The following ETFA variants were observed in gnomAD, a reference collection of about 807,000 sequenced individuals.
ETFA encodes the protein electron transfer flavoprotein subunit alpha.
Under a neutral mutation model 46.2 loss-of-function variants are expected in ETFA, and 22 were observed. That is an observed-to-expected ratio of 0.48 (90% CI 0.34 to 0.68). The LOEUF is 0.68. Ranked by LOEUF, ETFA falls within the 30% of genes least tolerant of loss-of-function variation. The pLI is 0.01. For missense variants in ETFA, 345 were observed against 401.1 expected, an observed-to-expected ratio of 0.86 and a Z score of 1.19; for synonymous variants, 131 against 139.9, an observed-to-expected ratio of 0.94 and a Z score of 0.45.
chr15:76,260,508 A>G, intron 9 of ETFA: 3 of 1,516,404 alleles, frequency 2.0e-6, no homozygotes, highest in Non-Finnish European at 2.7e-6. Flanking sequence ...TCCACAGCCA[A>G]CTGCACTGGA....
At chr15:76,227,709 C>A (rs1294723050) in intron 10 of ETFA, 4 of 407,600 alleles carry the variant, frequency 9.8e-6, no homozygotes, top group African/African-American at 4.2e-5. Flanking sequence ...AAGTTTCTAC[C>A]TACCTGGCAT....
chr15:76,289,251 C>T (rs12908334), intron 4 of ETFA, among the ~76,000 whole-genome samples: 63,229 of 151,930 alleles, frequency 0.42, 15,377 homozygotes, highest in Middle Eastern at 0.56. Flanking sequence ...CCTACTTAAT[C>T]TGGTTTAAAA....
intron 2 of ETFA, among the ~76,000 whole-genome samples, chr15:76,293,173 T>C (rs1265518733): frequency 6.6e-6 from 1 of 152,112 alleles, no homozygotes; most frequent in African/African-American, 2.4e-5. Context: ...AATACATTCC[T>C]TAACAAAGAA....
intron 1 of ETFA, among the ~76,000 whole-genome samples, chr15:76,305,523 T>C (rs2039931398): frequency 6.6e-6 from 1 of 152,248 alleles, no homozygotes; most frequent in Non-Finnish European, 1.5e-5. Flanking sequence ...ATACTCTGTT[T>C]AGACTTGGTT....
At chr15:76,309,144 A>C (rs1158829844) in intron 1 of ETFA, among the ~76,000 whole-genome samples, 1 of 152,164 alleles carries the variant, frequency 6.6e-6, no homozygotes, top group African/African-American at 2.4e-5. Flanking sequence ...CAACATTCTT[A>C]ATGACTTTAA....
rs2141543697 is a variant in ETFA at position 76,295,594 on chromosome 15, G to A, written c.183C>T (p.Asp61=). 1.9e-6 allele frequency: 3 copies of A among 1,613,272 alleles called. No homozygotes were observed. Among genetic ancestry groups the A allele is most frequent in the Non-Finnish European group, 1.7e-6 (2 of 1,179,398 alleles). ...GCTGACCTTAAAAATTTCTCACCTT[G>A]TCACATTTGGTTCCAGCTACTAAGC... ...VSCLVAGTKC[D]KVAQDLCKVA... is the part of the protein sequence containing the mutation. Residue 61 remains aspartate (D), a synonymous_variant, in exon 2 of 12, where the codon GAC becomes GAT. Transcript: ENST00000557943.
At chr15:76,217,487 T>C (rs2038908424) in intron 11 of ETFA, 1 of 345,350 alleles carries the variant, frequency 2.9e-6, no homozygotes. Flanking sequence ...CAAGACCTTG[T>C]GTGCTAATGC....
intron 9 of ETFA, among the ~76,000 whole-genome samples, chr15:76,264,681 G>T (rs988439344): frequency 2.6e-5 from 4 of 152,202 alleles, no homozygotes; most frequent in South Asian, 2.1e-4. Context: ...GAGAGGGAAG[G>T]CTCATTTAGC....
rs34804508 is a variant in ETFA at position 76,252,876 on chromosome 15, T to TACACAC, written c.817-21484_817-21479dup. Among the ~76,000 whole-genome samples, 157 of 147,548 alleles carry TACACAC rather than the reference T, an allele frequency of 1.1e-3. 3 individuals carry two copies. The highest frequency in any genetic ancestry group is 3.4e-3 in the African/African-American group (136 of 39,984). On this transcript the variant is annotated intron_variant, in intron 9 of 11. Coordinates refer to ENST00000557943, the MANE Select transcript of ETFA (RefSeq NM_000126.4). ...CTAGTTCAGAAAAAATGTATGTGTA[T>TACACAC]ACACACACACACACAGAGTACTTTT...
intron 9 of ETFA, among the ~76,000 whole-genome samples, chr15:76,248,691 A>G (rs2039266486): frequency 6.6e-6 from 1 of 152,190 alleles, no homozygotes; most frequent in African/African-American, 2.4e-5. Context: ...CCTGGCCAAC[A>G]TGGTGAAACC....
Position 76,216,094 on chromosome 15 carries a change from C to G in ETFA, c.*465G>C, listed in dbSNP as rs948688282. 6.2e-6 allele frequency: 1 copy of G among 161,118 alleles called. No homozygotes were observed. Among genetic ancestry groups the G allele is most frequent in the African/African-American group, 2.4e-5 (1 of 41,482 alleles). 10.0% of individuals were successfully genotyped at this position (161,118 alleles called of 1,614,324 possible). A position where few individuals can be genotyped will look rare whatever the true frequency, so the allele number is the denominator to read the frequency against. On this transcript the variant is annotated 3_prime_UTR_variant, in exon 12 of 12. Coordinates refer to ENST00000557943, the MANE Select transcript of ETFA (RefSeq NM_000126.4). Reference sequence around the variant, plus strand: ...CGTGCTTTTTTAACTCTGCACTTGCCAATTCAGTTACCTTCTCCTATGAAG... The same window carrying G: ...CGTGCTTTTTTAACTCTGCACTTGCGAATTCAGTTACCTTCTCCTATGAAG...
At chr15:76,259,464 A>C (rs1483435099) in intron 9 of ETFA, 53 of 918,658 alleles carry the variant, frequency 5.8e-5, no homozygotes, top group East Asian at 3.6e-4. Context: ...AAGCTGTTTC[A>C]GGTGATTCCC....
chr15:76,231,459 GT>G (rs1412195510), intron 9 of ETFA, 61 bp from the exon 10 acceptor site: 1 of 1,094,032 alleles, frequency 9.1e-7, no homozygotes. Flanking sequence ...TTTCCAAAGT[GT>G]TTGCTGTTAG....
At chr15:76,238,996 C>A (rs2039155750) in intron 9 of ETFA, among the ~76,000 whole-genome samples, 1 of 152,186 alleles carries the variant, frequency 6.6e-6, no homozygotes, top group African/African-American at 2.4e-5. Context: ...TGAGACAACA[C>A]CCCTTTACTA....
chr15:76,295,936 C>CTTTTTTTTTTTTTTTTTTTTGTT (rs2039817109), intron 1 of ETFA, among the ~76,000 whole-genome samples, 199 bp from the exon 2 acceptor site: 1 of 46,602 alleles, frequency 2.1e-5, no homozygotes, highest in South Asian at 9.4e-4. Context: ...CACTAATATT[C>CTTTTTTTTTTTTTTTTTTTTGTT]TTTTTTTTTT....
chr15:76,233,947 C>T (rs185764950), intron 9 of ETFA, among the ~76,000 whole-genome samples: 5 of 152,190 alleles, frequency 3.3e-5, no homozygotes, highest in Admixed American at 2.6e-4. Flanking sequence ...TTCACTCTGG[C>T]AGTAAACATA....
chr15:76,253,679 A>T (rs1192068252), intron 9 of ETFA, among the ~76,000 whole-genome samples: 1 of 152,186 alleles, frequency 6.6e-6, no homozygotes, highest in Non-Finnish European at 1.5e-5. Flanking sequence ...GACAAAGGAG[A>T]CGTGGTTTAA....
chr15:76,246,926 T>C (rs925052289), intron 9 of ETFA, among the ~76,000 whole-genome samples: 19 of 152,070 alleles, frequency 1.2e-4, no homozygotes, highest in African/African-American at 3.9e-4. Context: ...ATGTACAACA[T>C]CCAAGAAAAT....
chr15:76,226,739 C>T lies in ETFA; in HGVS notation c.883-810G>A, dbSNP rs530937757. On this transcript the variant is annotated intron_variant, in intron 10 of 11. Coordinates refer to ENST00000557943, the MANE Select transcript of ETFA (RefSeq NM_000126.4). ...TAAAAAACACAAAAAATTAGCCGGGCGTGGTGGCGGGCATCTGTAGTCCAA... is the reference window on the plus strand; with the variant it reads ...TAAAAAACACAAAAAATTAGCCGGGTGTGGTGGCGGGCATCTGTAGTCCAA... Among the ~76,000 whole-genome samples, 419 of 152,092 alleles carry T rather than the reference C, an allele frequency of 2.8e-3. 1 individual carries two copies. Among genetic ancestry groups the T allele is most frequent in the African/African-American group, 9.5e-3 (394 of 41,462 alleles).
Sources: gnomAD v4.1 joint callset for allele counts (sites outside exome capture counted in the v4.1 genomes callset) on GRCh38, gnomAD v4.1.1 for gene constraint, MANE v1.5 for transcripts, NCBI Gene and HGNC (gene_info 2026-07-23, HGNC 2026-07-21) for gene names.